CSMD3: variants seen among roughly 807,000 people sequenced by gnomAD.
CSMD3 encodes the protein CUB and Sushi multiple domains 3, also known as CUB and sushi domain-containing protein 3.
In CSMD3, 177 loss-of-function variants were observed where a neutral mutation model predicts 435.2. The ratio of observed to expected loss-of-function variants is 0.41; its 90% CI spans 0.36 to 0.46. CSMD3 has a LOEUF of 0.46. Ranked by LOEUF, CSMD3 falls within the 20% of genes least tolerant of loss-of-function variation. The probability of loss-of-function intolerance (pLI) is 0.34; values close to 1 mark genes in which losing one functional copy is unlikely to be tolerated. For missense variants in CSMD3, 4,265 were observed against 4,504.6 expected, an observed-to-expected ratio of 0.95 and a Z score of 1.52; for synonymous variants, 1,656 against 1,520.5, an observed-to-expected ratio of 1.09 and a Z score of -2.07.
chr8:112,381,115 T>C (rs1305225368), intron 37 of CSMD3, among the ~76,000 whole-genome samples: 1 of 152,174 alleles, frequency 6.6e-6, no homozygotes, highest in Non-Finnish European at 1.5e-5. Context: ...TCAGATAATA[T>C]AGTCATTGAT....
chr8:113,306,345 A>G (rs551254609), intron 2 of CSMD3, among the ~76,000 whole-genome samples: 1 of 152,050 alleles, frequency 6.6e-6, no homozygotes, highest in Non-Finnish European at 1.5e-5. Flanking sequence ...AGCTAATTGG[A>G]TTGAGTTATA....
intron 22 of CSMD3, among the ~76,000 whole-genome samples, chr8:112,626,401 G>A (rs548401604): frequency 6.6e-6 from 1 of 152,014 alleles, no homozygotes; most frequent in Non-Finnish European, 1.5e-5. Context: ...ATTACCAGAT[G>A]ACAAACAATA....
intron 5 of CSMD3, among the ~76,000 whole-genome samples, chr8:113,056,478 T>C (rs1394855833): frequency 6.6e-6 from 1 of 152,248 alleles, no homozygotes; most frequent in African/African-American, 2.4e-5. Flanking sequence ...TTCTAATATG[T>C]ATCTCAAACT....
At chr8:113,307,995 A>G (rs142316072) in intron 2 of CSMD3, among the ~76,000 whole-genome samples, 48 of 152,228 alleles carry the variant, frequency 3.2e-4, no homozygotes, top group African/African-American at 1.1e-3. Flanking sequence ...TGAGAGCTTT[A>G]AAAAGTTCAT....
chr8:112,584,444 G>T (rs748297355), intron 23 of CSMD3, among the ~76,000 whole-genome samples: 6 of 151,634 alleles, frequency 4.0e-5, no homozygotes, highest in Non-Finnish European at 5.9e-5. Context: ...GAGGAGAGAA[G>T]AAAAAAGACA....
chr8:112,733,796 T>C (rs1381649378), intron 13 of CSMD3, among the ~76,000 whole-genome samples: 1 of 151,968 alleles, frequency 6.6e-6, no homozygotes, highest in Non-Finnish European at 1.5e-5. Flanking sequence ...CTAATCTCAG[T>C]ATAAAAATAA....
chr8:112,368,748 G>T (rs1563850160), intron 38 of CSMD3, among the ~76,000 whole-genome samples: 1 of 151,976 alleles, frequency 6.6e-6, no homozygotes, highest in East Asian at 1.9e-4. Flanking sequence ...AATTGCTTTG[G>T]AATAAAATTA....
At chr8:113,409,079 C>CTTTTTTTTTTTTTTTT (rs1218107775) in intron 1 of CSMD3, among the ~76,000 whole-genome samples, 6 of 99,064 alleles carry the variant, frequency 6.1e-5, no homozygotes, top group Admixed American at 1.4e-4. Flanking sequence ...TCTTCTTCTT[C>CTTTTTTTTTTTTTTTT]TTTTTTTTTT....
intron 57 of CSMD3, among the ~76,000 whole-genome samples, chr8:112,288,032 A>AAGAGAG (rs143895303): frequency 0.38 from 56,168 of 149,518 alleles, 11,942 homozygotes; most frequent in Middle Eastern, 0.51. Context: ...GCTAGAGAGA[A>AAGAGAG]AGAGAGAGAG....
intron 5 of CSMD3, among the ~76,000 whole-genome samples, chr8:113,036,474 A>T (rs1564238444): frequency 6.6e-6 from 1 of 152,018 alleles, no homozygotes; most frequent in Non-Finnish European, 1.5e-5. Context: ...TCAATTACCT[A>T]TTCAAGAGCA....
intron 59 of CSMD3, among the ~76,000 whole-genome samples, chr8:112,279,630 T>A (rs1164692851): frequency 6.6e-6 from 1 of 152,096 alleles, no homozygotes; most frequent in African/African-American, 2.4e-5. Flanking sequence ...AGGAAACAAC[T>A]ATTGTTCCTA....
In CSMD3 at chr8:112,918,559, T is replaced by C. The variant is rs576118771; in HGVS notation, c.1633+3068A>G. On this transcript the variant is annotated intron_variant, in intron 10 of 70. Coordinates refer to ENST00000297405, the MANE Select transcript of CSMD3 (RefSeq NM_198123.2). ...TCAGGAAGGTCTAAAATGAACATTC[T>C]ACACATCTTCAACACATAAGGCTAC... is the stretch of plus-strand genomic sequence containing the variant. Among the ~76,000 whole-genome samples, 20 of 151,982 alleles carry C rather than the reference T, an allele frequency of 1.3e-4. No homozygotes were observed. In the South Asian group the frequency reaches 3.9e-3, roughly 30 times the overall value.
chr8:113,250,426 C>T (rs990407319), intron 3 of CSMD3, among the ~76,000 whole-genome samples: 2 of 152,130 alleles, frequency 1.3e-5, no homozygotes, highest in Non-Finnish European at 2.9e-5. Flanking sequence ...AATAATTTCA[C>T]ACTAAGCAGA....
In CSMD3 at chr8:113,212,897, A is replaced by G. The variant is rs2092855480; in HGVS notation, c.515-38981T>C. On this transcript the variant is annotated intron_variant, in intron 3 of 70. Transcript: ENST00000297405. ...GAACTTAAAGTATAATAAAAAATAT[A>G]TATATATATTAAAAAAAAAAAAAGA... Among the ~76,000 whole-genome samples, 7 of 141,798 alleles carry G rather than the reference A, an allele frequency of 4.9e-5. No homozygotes were observed. The South Asian group carries it at 1.6e-3, about 32-fold the overall frequency. 93.0% of individuals were successfully genotyped at this position (141,798 alleles called of 152,430 possible). A position where few individuals can be genotyped will look rare whatever the true frequency, so the allele number is the denominator to read the frequency against.
intron 11 of CSMD3, among the ~76,000 whole-genome samples, chr8:112,856,715 A>G (rs2080669756): frequency 2.0e-5 from 3 of 152,006 alleles, no homozygotes; most frequent in Admixed American, 1.3e-4. Flanking sequence ...TCAACCATGT[A>G]CTTTTTAGTA....
intron 5 of CSMD3, among the ~76,000 whole-genome samples, chr8:113,073,666 A>G (rs2089223028): frequency 6.6e-6 from 1 of 151,874 alleles, no homozygotes; most frequent in Admixed American, 6.6e-5. Flanking sequence ...CTAACTTGTT[A>G]GTGGATAAGT....
intron 47 of CSMD3, 58 bp from the exon 48 acceptor site, chr8:112,314,675 G>A (rs1212204255): frequency 1.7e-6 from 2 of 1,182,350 alleles, no homozygotes; most frequent in African/African-American, 1.5e-5. Context: ...AGTGAAAACT[G>A]TATTTTAGAT....
At chr8:113,334,520 T>C (rs1294213746) in intron 1 of CSMD3, among the ~76,000 whole-genome samples, 5 of 152,062 alleles carry the variant, frequency 3.3e-5, no homozygotes, top group Non-Finnish European at 1.5e-5. Flanking sequence ...CTAGAAGTAC[T>C]GATCTTCAGC....
intron 12 of CSMD3, among the ~76,000 whole-genome samples, chr8:112,807,374 G>T (rs768780735): frequency 3.9e-5 from 6 of 152,094 alleles, no homozygotes; most frequent in Admixed American, 2.6e-4. Context: ...CCTATTTAAG[G>T]TTTTGTATGC....
Sources: allele counts gnomAD v4.1 joint callset (sites outside exome capture counted in the v4.1 genomes callset), GRCh38; gene constraint gnomAD v4.1.1; transcripts MANE v1.5; gene names NCBI Gene and HGNC (gene_info 2026-07-23, HGNC 2026-07-21).